ATG7: variants seen among roughly 807,000 people sequenced by gnomAD.
ATG7 encodes ubiquitin-like modifier-activating enzyme ATG7.
Under a neutral mutation model 82.4 loss-of-function variants are expected in ATG7, and 70 were observed. That is an observed-to-expected ratio of 0.85 (90% CI 0.70 to 1.04). The LOEUF (loss-of-function observed/expected upper bound fraction) is 1.04, where lower values mean the gene tolerates loss of function less well. Ranked by LOEUF, ATG7 falls within the 50% of genes least tolerant of loss-of-function variation. The pLI, the probability that ATG7 is intolerant of heterozygous loss-of-function variation, is 0.00. For missense variants in ATG7, 792 were observed against 864.3 expected (o/e 0.92, Z 1.05); for synonymous variants, 287 against 313.0 (o/e 0.92, Z 0.88).
intron 19 of ATG7, among the ~76,000 whole-genome samples, chr3:11,382,509 G>A (rs2077986580): frequency 6.6e-6 from 1 of 152,164 alleles, no homozygotes; most frequent in African/African-American, 2.4e-5. Flanking sequence ...GTGGTGAGGA[G>A]TCACTTTCAT....
chr3:11,433,960 G>T (rs2083143099), intron 20 of ATG7, among the ~76,000 whole-genome samples: 1 of 152,194 alleles, frequency 6.6e-6, no homozygotes, highest in South Asian at 2.1e-4. Context: ...AATGTAGATT[G>T]TGATTCATTC....
At chr3:11,573,721 TACTG>T in the ATG7 span, among the ~76,000 whole-genome samples, 1 of 152,240 alleles carries the variant, frequency 6.6e-6, no homozygotes, top group African/African-American at 2.4e-5. Flanking sequence ...TTCATACACT[TACTG>T]ACCATTCTAC....
chr3:11,354,709 A>G (rs2075814582), intron 14 of ATG7, among the ~76,000 whole-genome samples: 1 of 152,052 alleles, frequency 6.6e-6, no homozygotes, highest in Non-Finnish European at 1.5e-5. Flanking sequence ...TTGAGGTTTT[A>G]AAACCCAAAT....
intron 20 of ATG7, among the ~76,000 whole-genome samples, chr3:11,491,067 T>C (rs2090302525): frequency 6.6e-6 from 1 of 152,224 alleles, no homozygotes; most frequent in Non-Finnish European, 1.5e-5. Context: ...TGCAGAGTGT[T>C]TTCCAGCTTG....
chr3:11,440,260 A>G (rs1030116450), intron 20 of ATG7, among the ~76,000 whole-genome samples: 12 of 151,390 alleles, frequency 7.9e-5, no homozygotes, highest in Admixed American at 2.6e-4. Flanking sequence ...TGCGACTCCA[A>G]TCCCAACTTA....
chr3:11,326,233 A>G (rs1219750193), intron 9 of ATG7, among the ~76,000 whole-genome samples: 2 of 151,954 alleles, frequency 1.3e-5, no homozygotes, highest in East Asian at 3.9e-4. Context: ...GGAAGTAGAA[A>G]TGCTAGTTTC....
At chr3:11,569,668 C>A in the ATG7 span, among the ~76,000 whole-genome samples, 1 of 152,198 alleles carries the variant, frequency 6.6e-6, no homozygotes, top group Non-Finnish European at 1.5e-5. Flanking sequence ...CAGGAGAATC[C>A]GACATCTGAG....
intron 9 of ATG7, among the ~76,000 whole-genome samples, chr3:11,328,278 A>G (rs1035610635): frequency 2.6e-5 from 4 of 152,192 alleles, no homozygotes; most frequent in Non-Finnish European, 4.4e-5. Context: ...CCATGATTAA[A>G]CTGTGGCTTG....
chr3:11,342,299 T>A lies in ATG7; in HGVS notation c.1125+20T>A. 1 of 1,601,532 alleles carries A rather than the reference T, an allele frequency of 6.2e-7. No homozygotes were observed. Among genetic ancestry groups the A allele is most frequent in the Non-Finnish European group, 8.5e-7 (1 of 1,175,564 alleles). Reference sequence around the variant, plus strand: ...TTGATGGTAAGTCGGAGGTGGGGGGTGCAAATGGCACCTTTGAAGTTGTAG... The same window carrying A: ...TTGATGGTAAGTCGGAGGTGGGGGGAGCAAATGGCACCTTTGAAGTTGTAG... On this transcript the variant is annotated intron_variant, in intron 13 of 20. Transcript: ENST00000693202.
At chr3:11,546,518 C>T (rs1023315144) in intron 20 of ATG7, among the ~76,000 whole-genome samples, 8 of 152,154 alleles carry the variant, frequency 5.3e-5, no homozygotes, top group African/African-American at 9.7e-5. Flanking sequence ...TTAACGGACA[C>T]ACAGAAATAT....
At chr3:11,458,711 A>G (rs2086000922) in intron 20 of ATG7, among the ~76,000 whole-genome samples, 1 of 152,228 alleles carries the variant, frequency 6.6e-6, no homozygotes, top group South Asian at 2.1e-4. Flanking sequence ...ATAAACGCAC[A>G]GGATAAAAAA....
the ATG7 span, among the ~76,000 whole-genome samples, chr3:11,575,804 G>A: frequency 6.6e-6 from 1 of 152,208 alleles, no homozygotes; most frequent in African/African-American, 2.4e-5. Context: ...AGTGAGTCTG[G>A]GGCCAACCCC....
chr3:11,351,805 GC>G (rs1277514616), intron 14 of ATG7, among the ~76,000 whole-genome samples: 1 of 151,664 alleles, frequency 6.6e-6, no homozygotes, highest in Non-Finnish European at 1.5e-5. Flanking sequence ...TTATTGGTTA[GC>G]CAGCCTTAAG....
At chr3:11,394,893 A>C (rs2079086614) in intron 19 of ATG7, among the ~76,000 whole-genome samples, 1 of 152,230 alleles carries the variant, frequency 6.6e-6, no homozygotes, top group African/African-American at 2.4e-5. Flanking sequence ...GTAACCAGGC[A>C]CACAAGAAGA....
At chr3:11,523,614 G>A (rs1490101770) in intron 20 of ATG7, among the ~76,000 whole-genome samples, 1 of 152,216 alleles carries the variant, frequency 6.6e-6, no homozygotes, top group African/African-American at 2.4e-5. Flanking sequence ...GATTTACGGT[G>A]TTGCTCTGGG....
chr3:11,414,028 T>G (rs1407072382), intron 19 of ATG7, among the ~76,000 whole-genome samples: 1 of 152,174 alleles, frequency 6.6e-6, no homozygotes, highest in Non-Finnish European at 1.5e-5. Flanking sequence ...AAATTCCACT[T>G]GTTCATTGCT....
At chr3:11,373,162 C>T (rs970884544) in intron 18 of ATG7, among the ~76,000 whole-genome samples, 6 of 144,508 alleles carry the variant, frequency 4.2e-5, no homozygotes, top group African/African-American at 1.6e-4. Flanking sequence ...GTGAGACTTA[C>T]GTTATGACTA....
chr3:11,575,579 C>T, the ATG7 span, among the ~76,000 whole-genome samples: 1 of 152,190 alleles, frequency 6.6e-6, no homozygotes, highest in Non-Finnish European at 1.5e-5. Flanking sequence ...CTGGCGGATC[C>T]GGAACCACAG....
At chr3:11,413,970 A>G (rs1246749796) in intron 19 of ATG7, among the ~76,000 whole-genome samples, 1 of 150,042 alleles carries the variant, frequency 6.7e-6, no homozygotes, top group African/African-American at 2.4e-5. Flanking sequence ...TTGTGTTTCT[A>G]GGAATTTGTC....
Sources: gnomAD v4.1 joint callset for allele counts (sites outside exome capture counted in the v4.1 genomes callset) on GRCh38, gnomAD v4.1.1 for gene constraint, MANE v1.5 for transcripts, NCBI Gene and HGNC (gene_info 2026-07-23, HGNC 2026-07-21) for gene names.